LRRTM4: variants seen among roughly 807,000 people sequenced by gnomAD.
The protein encoded by LRRTM4 is leucine rich repeat transmembrane neuronal 4, also known as leucine-rich repeat transmembrane neuronal protein 4.
Under a neutral mutation model 47.6 loss-of-function variants are expected in LRRTM4, and 25 were observed. The ratio of observed to expected loss-of-function variants is 0.53; its 90% CI spans 0.38 to 0.73. The LOEUF is 0.73. Among genes scored for constraint, LRRTM4 ranks in the 30% least tolerant of loss-of-function variants. LRRTM4 has a pLI of 0.00. For synonymous variants in LRRTM4, 311 were observed against 269.5 expected, an observed-to-expected ratio of 1.15 and a Z score of -1.51; for missense variants, 638 against 713.4, an observed-to-expected ratio of 0.89 and a Z score of 1.20.
At chr2:77,444,505 A>G (rs1298280128) in intron 3 of LRRTM4, among the ~76,000 whole-genome samples, 3 of 152,116 alleles carry the variant, frequency 2.0e-5, no homozygotes, top group Non-Finnish European at 4.4e-5. Flanking sequence ...GGATGGGAAG[A>G]GAAGATAGAA....
At chr2:77,214,924 T>A (rs1674394041) in intron 3 of LRRTM4, among the ~76,000 whole-genome samples, 1 of 152,134 alleles carries the variant, frequency 6.6e-6, no homozygotes. Flanking sequence ...TTTTTCTTAA[T>A]AATTTAGAGT....
At chr2:77,151,133 GTGTGTGTGTATGTA>G (rs1006414963) in intron 3 of LRRTM4, among the ~76,000 whole-genome samples, 3 of 152,136 alleles carry the variant, frequency 2.0e-5, no homozygotes, top group Middle Eastern at 3.4e-3. Context: ...GTGTGTGTGT[GTGTGTGTGTATGTA>G]TGTGTATATG....
intron 3 of LRRTM4, among the ~76,000 whole-genome samples, chr2:77,437,645 A>G (rs915824068): frequency 6.6e-6 from 1 of 152,152 alleles, no homozygotes; most frequent in Non-Finnish European, 1.5e-5. Context: ...AATGACATAA[A>G]AAGTACAGTA....
chr2:77,019,634 T>A (rs955333685), intron 3 of LRRTM4, among the ~76,000 whole-genome samples: 1 of 152,102 alleles, frequency 6.6e-6, no homozygotes, highest in African/African-American at 2.4e-5. Context: ...AACCAAGTGA[T>A]AAAAATTACA....
At chr2:76,854,689 T>C (rs1170642673) in intron 3 of LRRTM4, among the ~76,000 whole-genome samples, 3 of 152,190 alleles carry the variant, frequency 2.0e-5, no homozygotes, top group Non-Finnish European at 4.4e-5. Flanking sequence ...TGCTCTAGAT[T>C]ATCTAACTTA....
chr2:77,136,057 C>G (rs984772586), intron 3 of LRRTM4, among the ~76,000 whole-genome samples: 13 of 152,092 alleles, frequency 8.5e-5, no homozygotes, highest in Admixed American at 7.2e-4. Context: ...CAGCTTCAGT[C>G]TACAGCTCCC....
intron 3 of LRRTM4, among the ~76,000 whole-genome samples, chr2:77,289,323 T>A (rs1168938547): frequency 6.6e-6 from 1 of 152,068 alleles, no homozygotes; most frequent in Non-Finnish European, 1.5e-5. Flanking sequence ...TGGATTTATC[T>A]ATCCCTAACA....
At chr2:76,870,605 C>A (rs1413962192) in intron 3 of LRRTM4, among the ~76,000 whole-genome samples, 2 of 152,218 alleles carry the variant, frequency 1.3e-5, no homozygotes, top group East Asian at 1.9e-4. Flanking sequence ...GAGCAGCAGG[C>A]CTATACCTTT....
intron 3 of LRRTM4, among the ~76,000 whole-genome samples, chr2:77,056,495 TAATA>T (rs1165254247): frequency 4.0e-5 from 6 of 151,744 alleles, no homozygotes; most frequent in African/African-American, 1.5e-4. Flanking sequence ...ACAGAATACA[TAATA>T]AATGATTTAA....
At chr2:77,298,130 AT>A (rs954681251) in intron 3 of LRRTM4, among the ~76,000 whole-genome samples, 1 of 152,232 alleles carries the variant, frequency 6.6e-6, no homozygotes, top group African/African-American at 2.4e-5. Flanking sequence ...TAGGAATAGT[AT>A]CCCCCAATTT....
At chr2:76,774,760 T>A (rs1172278492) in intron 3 of LRRTM4, among the ~76,000 whole-genome samples, 1 of 152,198 alleles carries the variant, frequency 6.6e-6, no homozygotes, top group Non-Finnish European at 1.5e-5. Context: ...ACATTTTTGC[T>A]TTCTAATTTC....
At chr2:76,807,782 G>A (rs1451194618) in intron 3 of LRRTM4, among the ~76,000 whole-genome samples, 1 of 151,444 alleles carries the variant, frequency 6.6e-6, no homozygotes, top group Non-Finnish European at 1.5e-5. Context: ...AGTAGAGACA[G>A]GATTTCACCA....
intron 3 of LRRTM4, among the ~76,000 whole-genome samples, chr2:77,070,820 G>A (rs1051364830): frequency 2.0e-5 from 3 of 151,976 alleles, no homozygotes; most frequent in African/African-American, 4.8e-5. Flanking sequence ...TAGTAGAGAC[G>A]GGGTTTCACC....
At chr2:76,907,084 T>C (rs1332531349) in intron 3 of LRRTM4, among the ~76,000 whole-genome samples, 1 of 151,764 alleles carries the variant, frequency 6.6e-6, no homozygotes, top group Non-Finnish European at 1.5e-5. Context: ...ATTAACCACA[T>C]AGTTGGAAGT....
chr2:76,874,020 C>T (rs1314080080), intron 3 of LRRTM4, among the ~76,000 whole-genome samples: 1 of 151,720 alleles, frequency 6.6e-6, no homozygotes, highest in Non-Finnish European at 1.5e-5. Context: ...TTCTTGATAG[C>T]AATCAAACAT....
intron 3 of LRRTM4, among the ~76,000 whole-genome samples, chr2:77,107,434 T>C (rs1309532014): frequency 6.6e-6 from 1 of 152,214 alleles, no homozygotes; most frequent in African/African-American, 2.4e-5. Flanking sequence ...TATACTTTTT[T>C]CTTTCTTGGA....
chr2:76,922,876 T>A (rs1674476084), intron 3 of LRRTM4, among the ~76,000 whole-genome samples: 1 of 152,034 alleles, frequency 6.6e-6, no homozygotes, highest in South Asian at 2.1e-4. Context: ...TTGATCTTCA[T>A]CTCCTAGACG....
intron 3 of LRRTM4, among the ~76,000 whole-genome samples, chr2:77,069,950 C>T (rs1680095846): frequency 6.6e-6 from 1 of 152,260 alleles, no homozygotes; most frequent in Middle Eastern, 3.4e-3. Context: ...CAGAAATACC[C>T]TCTAAGAGAA....
At chr2:77,169,253 G>T (rs939931164) in intron 3 of LRRTM4, among the ~76,000 whole-genome samples, 4 of 152,046 alleles carry the variant, frequency 2.6e-5, no homozygotes, top group Admixed American at 1.3e-4. Flanking sequence ...TAAATGAAAG[G>T]CATCCAAATT....
Sources: gnomAD v4.1 joint callset for allele counts (sites outside exome capture counted in the v4.1 genomes callset) on GRCh38, gnomAD v4.1.1 for gene constraint, MANE v1.5 for transcripts, NCBI Gene and HGNC (gene_info 2026-07-23, HGNC 2026-07-21) for gene names.